Variants in VAV3 observed in about 807,000 individuals in gnomAD.
VAV3 encodes the protein vav guanine nucleotide exchange factor 3, also known as guanine nucleotide exchange factor VAV3.
A neutral mutation model predicts 131.2 loss-of-function variants in VAV3; 94 were observed. That is an observed-to-expected ratio of 0.72 (90% CI 0.61 to 0.85). VAV3 has a LOEUF of 0.85. VAV3 is among the 40% of genes least tolerant of loss of function. VAV3 has a pLI of 0.00. For synonymous variants in VAV3, 349 were observed against 342.0 expected (o/e 1.02, Z -0.22); for missense variants, 939 against 1,002.7 (o/e 0.94, Z 0.86).
intron 2 of VAV3, among the ~76,000 whole-genome samples, chr1:107,843,479 C>T (rs1277104230): frequency 6.7e-6 from 1 of 148,150 alleles, no homozygotes; most frequent in African/African-American, 2.5e-5. Flanking sequence ...CATCTATAGA[C>T]TTTTGTCTTA....
intron 1 of VAV3, among the ~76,000 whole-genome samples, chr1:107,910,801 A>T (rs1672328823): frequency 6.6e-6 from 1 of 152,098 alleles, no homozygotes; most frequent in Admixed American, 6.5e-5. Flanking sequence ...GCAACATAGC[A>T]AAACCCCATC....
intron 19 of VAV3, among the ~76,000 whole-genome samples, chr1:107,649,404 C>A (rs1447040565): frequency 1.3e-5 from 2 of 152,072 alleles, no homozygotes; most frequent in Non-Finnish European, 1.5e-5. Context: ...ATATCTAAGT[C>A]AGCAAAGAAC....
At chr1:107,582,998 A>G (rs1650187459) in intron 25 of VAV3, among the ~76,000 whole-genome samples, 1 of 152,188 alleles carries the variant, frequency 6.6e-6, no homozygotes, top group African/African-American at 2.4e-5. Context: ...ACTGACTTCC[A>G]CAATGGTTGA....
At chr1:107,767,329 A>G (rs1664789679) in intron 7 of VAV3, among the ~76,000 whole-genome samples, 1 of 152,168 alleles carries the variant, frequency 6.6e-6, no homozygotes, top group Non-Finnish European at 1.5e-5. Flanking sequence ...CTAGGTGCCA[A>G]TTCTCCCATT....
At chr1:107,599,389 A>G (rs953774776) in intron 24 of VAV3, among the ~76,000 whole-genome samples, 1 of 152,212 alleles carries the variant, frequency 6.6e-6, no homozygotes, top group Non-Finnish European at 1.5e-5. Flanking sequence ...GACTCTAAAC[A>G]AAAGAAATCG....
intron 1 of VAV3, among the ~76,000 whole-genome samples, chr1:107,918,676 ATTTT>A (rs1320592914): frequency 1.4e-5 from 2 of 146,630 alleles, no homozygotes; most frequent in Non-Finnish European, 3.0e-5. Flanking sequence ...ATATATATAT[ATTTT>A]TAAGGCATAT....
At chr1:107,624,350 C>CAA (rs1319687064) in intron 20 of VAV3, among the ~76,000 whole-genome samples, 5 of 148,842 alleles carry the variant, frequency 3.4e-5, no homozygotes, top group African/African-American at 9.9e-5. Flanking sequence ...GTACATGATA[C>CAA]AATCCTAAAT....
At chr1:107,779,288 C>T (rs562187581) in intron 3 of VAV3, 146 bp downstream of exon 3, 15 of 534,722 alleles carry the variant, frequency 2.8e-5, no homozygotes, top group Admixed American at 8.6e-5. Flanking sequence ...TAATTTCAAA[C>T]GTGTACGGGA....
At chr1:107,714,921 T>C (rs973557965) in intron 15 of VAV3, among the ~76,000 whole-genome samples, 2 of 152,204 alleles carry the variant, frequency 1.3e-5, no homozygotes, top group African/African-American at 4.8e-5. Context: ...ATGGGCTTTA[T>C]AGTAATTTTA....
chr1:107,771,985 T>C (rs550178053), intron 5 of VAV3, among the ~76,000 whole-genome samples: 3 of 152,370 alleles, frequency 2.0e-5, no homozygotes, highest in African/African-American at 7.2e-5. Context: ...ATCAGCCTTT[T>C]ATTAACAGTA....
At chr1:107,717,133 T>C (rs1661151473) in intron 15 of VAV3, among the ~76,000 whole-genome samples, 1 of 152,150 alleles carries the variant, frequency 6.6e-6, no homozygotes, top group South Asian at 2.1e-4. Flanking sequence ...TCTCTTTTCT[T>C]CTTTATTAGT....
Position 107,571,785 on chromosome 1 carries a change from G to T in VAV3, c.*1546C>A, listed in dbSNP as rs1020758011. On this transcript the variant is annotated 3_prime_UTR_variant, in exon 27 of 27. Coordinates refer to ENST00000370056, the MANE Select transcript of VAV3 (RefSeq NM_006113.5). ...ACAGTTTACATAATTCTGAGGTAAA[G>T]GTCTTGAATCTATCCTAGATGAAAA... 1.3e-5 allele frequency: 2 copies of T among 152,606 alleles called. No individual in the cohort carries two copies. The highest frequency in any genetic ancestry group is 6.5e-5 in the Admixed American group (1 of 15,270). 9.5% of individuals were successfully genotyped at this position (152,606 alleles called of 1,614,324 possible).
chr1:107,762,908 A>G (rs1570915469), intron 9 of VAV3, among the ~76,000 whole-genome samples: 1 of 152,188 alleles, frequency 6.6e-6, no homozygotes, highest in Non-Finnish European at 1.5e-5. Context: ...TTCAATTGTA[A>G]TGGAAAATAA....
intron 17 of VAV3, among the ~76,000 whole-genome samples, chr1:107,700,537 G>C (rs964615269): frequency 3.9e-5 from 6 of 152,166 alleles, no homozygotes; most frequent in African/African-American, 1.4e-4. Flanking sequence ...CCACTTATGA[G>C]TGAGAACATG....
chr1:107,727,031 G>A (rs17484367), intron 15 of VAV3, among the ~76,000 whole-genome samples: 13,627 of 152,190 alleles, frequency 0.09, 853 homozygotes, highest in East Asian at 0.25. Flanking sequence ...TCATAACAAC[G>A]GTTGGGTAGA....
intron 1 of VAV3, among the ~76,000 whole-genome samples, chr1:107,955,299 ACAGT>A (rs1237597404): frequency 1.3e-5 from 2 of 151,350 alleles, no homozygotes; most frequent in Admixed American, 1.3e-4. Flanking sequence ...GTTTTTAATG[ACAGT>A]CAGTGCTGGC....
chr1:107,958,593 A>G (rs1032237632), intron 1 of VAV3, among the ~76,000 whole-genome samples: 3 of 151,782 alleles, frequency 2.0e-5, no homozygotes, highest in Admixed American at 2.0e-4. Flanking sequence ...CAATCTGAAC[A>G]AAAAGAAGAT....
At chr1:107,765,891 T>C (rs1288481066) in intron 8 of VAV3, among the ~76,000 whole-genome samples, 11 of 152,194 alleles carry the variant, frequency 7.2e-5, no homozygotes, top group Non-Finnish European at 1.5e-5. Flanking sequence ...AGGAAATACG[T>C]TGCTTGATTT....
At chr1:107,751,603 T>C (rs997081621) in intron 12 of VAV3, among the ~76,000 whole-genome samples, 8 of 150,610 alleles carry the variant, frequency 5.3e-5, no homozygotes, top group African/African-American at 2.0e-4. Flanking sequence ...CACTGCGCAG[T>C]GGAGGAACAA....
Sources: allele counts gnomAD v4.1 joint callset (sites outside exome capture counted in the v4.1 genomes callset), GRCh38; gene constraint gnomAD v4.1.1; transcripts MANE v1.5; gene names NCBI Gene and HGNC (gene_info 2026-07-23, HGNC 2026-07-21).